AMH: variants seen among roughly 807,000 people sequenced by gnomAD.
AMH encodes anti-Muellerian hormone.
AMH carries 39 observed loss-of-function variants against 33.3 expected under a neutral mutation model. The observed-to-expected ratio is 1.17, with a 90% CI of 0.91 to 1.53. AMH has a LOEUF of 1.53. Ranked by LOEUF, AMH falls within the 40% of genes most tolerant of loss-of-function variation. The pLI, the probability that AMH is intolerant of heterozygous loss-of-function variation, is 0.00. For missense variants in AMH, 1,019 were observed against 799.8 expected (o/e 1.27, Z -3.30); for synonymous variants, 536 against 403.0 (o/e 1.33, Z -3.95).
In AMH at chr19:2,251,759, T is replaced by A; in HGVS notation, c.1485T>A (p.Pro495=). 1.2e-6 allele frequency: 2 copies of A among 1,611,264 alleles called. No individual in the cohort carries two copies. The highest frequency in any genetic ancestry group is 1.7e-6 in the Non-Finnish European group (2 of 1,179,558). The change falls in exon 5 of 5, where the codon CCT becomes CCA. Residue 495 remains proline, a synonymous_variant. Coordinates refer to ENST00000221496, the MANE Select transcript of AMH (RefSeq NM_000479.5). The stretch of plus-strand genomic sequence containing the variant: ...ATTGCCAGGGCGTGTGCGGCTGGCC[T>A]CAGTCCGACCGCAACCCGCGCTACG... ...ANNCQGVCGW[P]QSDRNPRYGN...
At position 2,251,960 on chromosome 19, in the gene AMH, C is replaced by T. The variant is rs1287269753; in HGVS notation, c.*3C>T. On this transcript the variant is annotated 3_prime_UTR_variant, in exon 5 of 5. Transcript: ENST00000221496. The stretch of plus-strand genomic sequence containing the variant: ...CCACCGAGTGTGGCTGCCGGTGACC[C>T]CTGCGCCGCGCGGACTCCTGCCCCG... 3.2e-6 allele frequency: 5 copies of T among 1,541,508 alleles called. No individual in the cohort carries two copies. Among genetic ancestry groups the T allele is most frequent in the Non-Finnish European group, 4.3e-6 (5 of 1,151,404 alleles).
Position 2,251,284 on chromosome 19 carries a change from A to AGC in AMH, c.1013_1014dup (p.Leu339AlafsTer13), listed in dbSNP as rs751238247. 5 of 1,503,584 alleles carry AGC rather than the reference A, an allele frequency of 3.3e-6. No homozygotes were observed. In the South Asian group the frequency reaches 6.2e-5, roughly 19 times the overall value. 93.1% of individuals were successfully genotyped at this position (1,503,584 alleles called of 1,614,324 possible). ...AACCTGTCGGACCCCGCGGCGCTGG[A>AGC]GCGCCTACTCGACGGCGAGGAGCCG... On this transcript the variant is annotated frameshift_variant, in exon 5 of 5. Coordinates refer to ENST00000221496, the MANE Select transcript of AMH (RefSeq NM_000479.5). LOFTEE classifies it low-confidence loss of function (END_TRUNC).
rs1454779717 is a variant in AMH, at chr19:2,251,649, G to T, written c.1375G>T (p.Asp459Tyr). Residue 459 changes from aspartate (D) to tyrosine (Y), a missense_variant, in exon 5 of 5, where the codon GAC becomes TAC. Physicochemically the swap from Asp to Tyr is radical, Grantham distance 160. Transcript: ENST00000221496. Reference protein sequence around the residue: ...AQRSAGATAADGPCALRELSV... With the variant: ...AQRSAGATAAYGPCALRELSV... ...GCGCAGCGCGGGGGCCACCGCCGCC[G>T]ACGGGCCGTGCGCGCTGCGCGAGCT... The T allele has an allele frequency of 6.3e-7, 1 of 1,598,204 alleles. No homozygotes were observed. The highest frequency in any genetic ancestry group is 8.5e-7 in the Non-Finnish European group (1 of 1,174,562).
Position 2,251,638 on chromosome 19 carries a change from CCACCGCCGCCGACGGGCCG to C in AMH, c.1365_1383del (p.Thr456AlafsTer8), listed in dbSNP as rs745717774. The C allele has an allele frequency of 6.3e-7, 1 of 1,586,218 alleles. No homozygotes were observed. Among genetic ancestry groups the C allele is most frequent in the African/African-American group, 1.4e-5 (1 of 72,572 alleles). ...GGTCGGGCACAGCGCAGCGCGGGGGCCACCGCCGCCGACGGGCCGTGCGCGCTGCGCGAGCTCAGCGTAG... is the reference window on the plus strand; with the variant it reads ...GGTCGGGCACAGCGCAGCGCGGGGGCTGCGCGCTGCGCGAGCTCAGCGTAG... On this transcript the variant is annotated frameshift_variant, in exon 5 of 5. Coordinates refer to ENST00000221496, the MANE Select transcript of AMH (RefSeq NM_000479.5). LOFTEE classifies it high-confidence loss of function.
intron 1 of AMH, 118 bp downstream of exon 1, chr19:2,249,862 T>C: frequency 8.1e-7 from 1 of 1,234,618 alleles, no homozygotes; most frequent in Non-Finnish European, 1.1e-6. Flanking sequence ...GCTGTGGTCT[T>C]GTTCCTAGGA....
At chr19:2,250,508 C>G in intron 2 of AMH, 29 bp downstream of exon 2, 1 of 1,544,050 alleles carries the variant, frequency 6.5e-7, no homozygotes, top group Non-Finnish European at 8.7e-7. Flanking sequence ...GGGCAGTGCC[C>G]GGGCCGTGGC....
Position 2,251,454 on chromosome 19 carries a change from C to G in AMH, c.1180C>G (p.Pro394Ala). Reference sequence around the variant, plus strand: ...GGCGGCTGCCGAGCTGCGAAGCCTCCCGGGTCTGCCTCCGGCCACAGCCCC... The same window carrying G: ...GGCGGCTGCCGAGCTGCGAAGCCTCGCGGGTCTGCCTCCGGCCACAGCCCC... ...QAAAAELRSL[P>A]GLPPATAPLL... Residue 394 changes from proline to alanine, a missense_variant, in exon 5 of 5, where the codon CCG becomes GCG. By Grantham distance (27) the Pro-to-Ala change is conservative. Transcript: ENST00000221496. 2.1e-6 allele frequency: 3 copies of G among 1,432,204 alleles called. No individual in the cohort carries two copies. Among genetic ancestry groups the G allele is most frequent in the Non-Finnish European group, 1.8e-6 (2 of 1,097,766 alleles). 88.7% of individuals were successfully genotyped at this position (1,432,204 alleles called of 1,614,324 possible).
chr19:2,250,963 T>A lies in AMH; in HGVS notation c.779T>A (p.Leu260Gln). Residue 260 changes from leucine to glutamine, a missense_variant, in exon 4 of 5, where the codon CTG becomes CAG. Transcript: ENST00000221496. Reference protein sequence around the residue: ...LLLPRSEPAPLPAHGQLDTVP... With the variant: ...LLLPRSEPAPQPAHGQLDTVP... ...CTGCCGCGGTCCGAGCCCGCGCCGC[T>A]GCCTGCGCACGGCCAGCTGGACACC... 1 of 1,523,648 alleles carries A rather than the reference T, an allele frequency of 6.6e-7. No individual in the cohort carries two copies. Among genetic ancestry groups the A allele is most frequent in the Admixed American group, 2.0e-5 (1 of 50,318 alleles). The allele number at this position is 1,523,648 out of a possible 1,614,324, so 94.4% of individuals were successfully genotyped here. A position where few individuals can be genotyped will look rare whatever the true frequency, so the allele number is the denominator to read the frequency against.
Position 2,252,011 on chromosome 19 carries a change from G to T in AMH, c.*54G>T, listed in dbSNP as rs1313244838. ...AGGGTCCGGACGCGCCCCAGCTCGC[G>T]CCCCTTCCCATATTTATTCGGACCC... On this transcript the variant is annotated 3_prime_UTR_variant, in exon 5 of 5. Transcript: ENST00000221496. 4.6e-6 allele frequency: 7 copies of T among 1,526,316 alleles called. No homozygotes were observed. The highest frequency in any genetic ancestry group is 2.4e-5 in the South Asian group (2 of 83,716). 94.5% of individuals were successfully genotyped at this position (1,526,316 alleles called of 1,614,324 possible). A position where few individuals can be genotyped will look rare whatever the true frequency, so the allele number is the denominator to read the frequency against.
chr19:2,251,745 G>A lies in AMH; in HGVS notation c.1471G>A (p.Val491Met). The A allele has an allele frequency of 6.2e-7, 1 of 1,611,702 alleles. No homozygotes were observed. Among genetic ancestry groups the A allele is most frequent in the Non-Finnish European group, 8.5e-7 (1 of 1,179,618 alleles). The change falls in exon 5 of 5, where the codon GTG becomes ATG. Residue 491 changes from valine (V) to methionine (M), a missense_variant. Val to Met is a conservative substitution (Grantham distance 21, BLOSUM62 1). Transcript: ENST00000221496. ...CTACCAGGCCAACAATTGCCAGGGC[G>A]TGTGCGGCTGGCCTCAGTCCGACCG... ...ETYQANNCQG[V>M]CGWPQSDRNP... is the part of the protein sequence containing the mutation.
At chr19:2,250,560 A>G (rs2025015595) in intron 2 of AMH, 81 bp downstream of exon 2, 2 of 1,538,684 alleles carry the variant, frequency 1.3e-6, no homozygotes, top group East Asian at 2.4e-5. Flanking sequence ...TACTGAGAAC[A>G]GCGTAGAACC....
In AMH at chr19:2,250,715, T is replaced by C. The variant is rs2025021500; in HGVS notation, c.619T>C (p.Trp207Arg). The change falls in exon 3 of 5, where the codon TGG (tryptophan) becomes CGG (arginine). Residue 207 changes from tryptophan (W) to arginine (R), a missense_variant. Transcript: ENST00000221496. ...AGCGGTGGACCGCCCTGCGGGGGCCTGGCGCGGCTCCGGGCTGGCCTTGAC... is the reference window on the plus strand; with the variant it reads ...AGCGGTGGACCGCCCTGCGGGGGCCCGGCGCGGCTCCGGGCTGGCCTTGAC... The part of the protein sequence containing the change: ...VLAVDRPAGA[W>R]RGSGLALTLQ... The C allele has an allele frequency of 6.5e-7, 1 of 1,538,502 alleles. No homozygotes were observed.
Position 2,251,995 on chromosome 19 carries a change from A to C in AMH, c.*38A>C. On this transcript the variant is annotated 3_prime_UTR_variant, in exon 5 of 5. Transcript: ENST00000221496. ...GCGGACTCCTGCCCCGAGGGTCCGG[A>C]CGCGCCCCAGCTCGCGCCCCTTCCC... 6.5e-7 allele frequency: 1 copy of C among 1,530,124 alleles called. No homozygotes were observed. The highest frequency in any genetic ancestry group is 2.5e-5 in the East Asian group (1 of 40,710). The allele number at this position is 1,530,124 out of a possible 1,614,324, so 94.8% of individuals were successfully genotyped here. A position where few individuals can be genotyped will look rare whatever the true frequency, so the allele number is the denominator to read the frequency against.
In AMH at chr19:2,250,844, C is replaced by G. The variant is rs778925302; in HGVS notation, c.665-5C>G. ...CTGAGCCAGCCGCGTGCCCACCCAC[C>G]GCAGACTCCCGGCTGAGTACCGCCC... On this transcript the variant is annotated splice_polypyrimidine_tract_variant and splice_region_variant and intron_variant, in intron 3 of 4. Transcript: ENST00000221496. 30 of 1,561,466 alleles carry G rather than the reference C, an allele frequency of 1.9e-5. No homozygotes were observed. Among genetic ancestry groups the G allele is most frequent in the South Asian group, 1.3e-4 (11 of 86,288 alleles).
In AMH at chr19:2,249,516, G is replaced by T; in HGVS notation, c.184G>T (p.Asp62Tyr). 1 of 1,604,782 alleles carries T rather than the reference G, an allele frequency of 6.2e-7. No individual in the cohort carries two copies. Among genetic ancestry groups the T allele is most frequent in the South Asian group, 1.1e-5 (1 of 90,070 alleles). ...EPLCLVALGG[D>Y]SNGSSSPLRV... ...TCTGTGCCTGGTGGCACTGGGCGGG[G>T]ACAGCAATGGCAGCAGCTCCCCCCT... is the stretch of plus-strand genomic sequence containing the variant. The change falls in exon 1 of 5, where the codon GAC (aspartate) becomes TAC (tyrosine). Residue 62 changes from aspartate to tyrosine, a missense_variant. Transcript: ENST00000221496.
In AMH at chr19:2,249,744, G is replaced by C. The variant is rs1231336702; in HGVS notation, c.412G>C (p.Val138Leu). The change falls in exon 1 of 5, where the codon GTG becomes CTG. Residue 138 changes from valine to leucine, a missense_variant and splice_region_variant. Coordinates refer to ENST00000221496, the MANE Select transcript of AMH (RefSeq NM_000479.5). ...CCTGGTGGTCCTACACCTGGAGGAA[G>C]GTATGTGGGGCCCAGCCCCAAGCTT... ...QRLVVLHLEEVTWEPTPSLRF... is the reference protein window; with the variant it reads ...QRLVVLHLEELTWEPTPSLRF... 2.0e-6 allele frequency: 3 copies of C among 1,501,040 alleles called. No individual in the cohort carries two copies. Among genetic ancestry groups the C allele is most frequent in the Non-Finnish European group, 2.7e-6 (3 of 1,129,938 alleles). The allele number at this position is 1,501,040 out of a possible 1,614,324, so 93.0% of individuals were successfully genotyped here.
At position 2,249,523 on chromosome 19, in the gene AMH, A is replaced by G; in HGVS notation, c.191A>G (p.Asn64Ser). The change falls in exon 1 of 5, where the codon AAT (asparagine) becomes AGT (serine). Residue 64 changes from asparagine to serine, a missense_variant. Physicochemically the swap from Asn to Ser is conservative, Grantham distance 46. Transcript: ENST00000221496. Reference protein sequence around the residue: ...LCLVALGGDSNGSSSPLRVVG... With the variant: ...LCLVALGGDSSGSSSPLRVVG... The stretch of plus-strand genomic sequence containing the variant: ...CTGGTGGCACTGGGCGGGGACAGCA[A>G]TGGCAGCAGCTCCCCCCTGCGGGTG... The G allele has an allele frequency of 2.5e-6, 4 of 1,603,260 alleles. No individual in the cohort carries two copies. The highest frequency in any genetic ancestry group is 3.4e-5 in the Admixed American group (2 of 59,024).
In AMH at chr19:2,251,790, C is replaced by A; in HGVS notation, c.1516C>A (p.His506Asn). 1 of 1,609,902 alleles carries A rather than the reference C, an allele frequency of 6.2e-7. No individual in the cohort carries two copies. Among genetic ancestry groups the A allele is most frequent in the Non-Finnish European group, 8.5e-7 (1 of 1,179,508 alleles). Residue 506 changes from histidine to asparagine, a missense_variant, in exon 5 of 5, where the codon CAC becomes AAC. Physicochemically the swap from His to Asn is moderately conservative, Grantham distance 68. Coordinates refer to ENST00000221496, the MANE Select transcript of AMH (RefSeq NM_000479.5). ...CGACCGCAACCCGCGCTACGGCAAC[C>A]ACGTGGTGCTGCTGCTGAAGATGCA... ...QSDRNPRYGN[H>N]VVLLLKMQVR...
Position 2,249,390 on chromosome 19 carries a change from C to T in AMH, c.58C>T (p.Leu20=). Residue 20 remains leucine (L), a synonymous_variant, in exon 1 of 5, where the codon CTG becomes TTG. Coordinates refer to ENST00000221496, the MANE Select transcript of AMH (RefSeq NM_000479.5). Reference sequence around the variant, plus strand: ...AGTGCTGTCTGCCCTGGGGGCTCTGCTGGGGACTGAGGCCCTCAGAGCAGA... The same window carrying T: ...AGTGCTGTCTGCCCTGGGGGCTCTGTTGGGGACTGAGGCCCTCAGAGCAGA... The part of the protein sequence containing the change: ...ALVLSALGAL[L]GTEALRAEEP... 6.3e-7 allele frequency: 1 copy of T among 1,590,812 alleles called. No homozygotes were observed. Among genetic ancestry groups the T allele is most frequent in the Non-Finnish European group, 8.6e-7 (1 of 1,169,562 alleles).
Sources: allele counts gnomAD v4.1 joint callset, GRCh38; gene constraint gnomAD v4.1.1; transcripts MANE v1.5; gene names NCBI Gene and HGNC (gene_info 2026-07-23, HGNC 2026-07-21).